The following TBC1D22A variants were observed in gnomAD, a reference collection of about 807,000 sequenced individuals.
TBC1D22A encodes the protein putative GTPase activator.
Under a neutral mutation model 60.2 loss-of-function variants are expected in TBC1D22A, and 38 were observed. The observed-to-expected ratio is 0.63, with a 90% CI of 0.49 to 0.83. The LOEUF (loss-of-function observed/expected upper bound fraction) is 0.83, where lower values mean the gene tolerates loss of function less well. Ranked by LOEUF, TBC1D22A falls within the 40% of genes least tolerant of loss-of-function variation. TBC1D22A has a pLI of 0.00. For missense variants in TBC1D22A, 628 were observed against 701.0 expected (o/e 0.90, Z 1.18); for synonymous variants, 302 against 281.7 (o/e 1.07, Z -0.72).
Position 47,080,098 on chromosome 22 carries a change from G to A in TBC1D22A, c.1330-31410G>A, listed in dbSNP as rs61611236. Reference sequence around the variant, plus strand: ...CAAAAACGTATAAACTACCCTAAATGTGTTAACAGGACTTCTAATTACATG... The same window carrying A: ...CAAAAACGTATAAACTACCCTAAATATGTTAACAGGACTTCTAATTACATG... On this transcript the variant is annotated intron_variant, in intron 11 of 12. Coordinates refer to ENST00000337137, the MANE Select transcript of TBC1D22A (RefSeq NM_014346.5). 9.1e-3 allele frequency among the ~76,000 whole-genome samples: 1,379 copies of A among 152,268 alleles called. 15 individuals are homozygous for A. Among genetic ancestry groups the A allele is most frequent in the African/African-American group, 0.032 (1,317 of 41,552 alleles).
chr22:47,172,579 C>T (rs1350235731), intron 12 of TBC1D22A, among the ~76,000 whole-genome samples: 2 of 152,168 alleles, frequency 1.3e-5, no homozygotes, highest in African/African-American at 4.8e-5. Flanking sequence ...TATGAGAATC[C>T]TACCTGAATT....
intron 12 of TBC1D22A, among the ~76,000 whole-genome samples, chr22:47,159,911 ATG>A (rs919795985): frequency 2.3e-4 from 10 of 43,154 alleles, no homozygotes; most frequent in Non-Finnish European, 3.6e-4. Context: ...CACCACACAC[ATG>A]TGCCACATAC....
intron 11 of TBC1D22A, among the ~76,000 whole-genome samples, chr22:47,052,940 A>T (rs1033774277): frequency 6.6e-6 from 1 of 152,166 alleles, no homozygotes; most frequent in Non-Finnish European, 1.5e-5. Context: ...GTAAACCTGG[A>T]TGCCACGCAG....
intron 10 of TBC1D22A, among the ~76,000 whole-genome samples, chr22:47,019,164 TC>T (rs2061996795): frequency 6.6e-6 from 1 of 152,218 alleles, no homozygotes; most frequent in African/African-American, 2.4e-5. Flanking sequence ...TTGTTCACTT[TC>T]CGAGTGGCCT....
intron 10 of TBC1D22A, among the ~76,000 whole-genome samples, chr22:47,017,352 T>C (rs2061943861): frequency 6.6e-6 from 1 of 152,214 alleles, no homozygotes; most frequent in African/African-American, 2.4e-5. Context: ...AGCCCAAGGC[T>C]GCGGTCTCCG....
chr22:46,823,361 A>G (rs2085909036), intron 4 of TBC1D22A, among the ~76,000 whole-genome samples: 1 of 152,260 alleles, frequency 6.6e-6, no homozygotes, highest in African/African-American at 2.4e-5. Flanking sequence ...ACTGCTGCAA[A>G]GAAATCGCCA....
chr22:46,831,449 T>C (rs1457552959), intron 4 of TBC1D22A, among the ~76,000 whole-genome samples: 1 of 152,184 alleles, frequency 6.6e-6, no homozygotes, highest in Non-Finnish European at 1.5e-5. Context: ...GCACGTGGCT[T>C]GTGTGTTCCT....
intron 4 of TBC1D22A, among the ~76,000 whole-genome samples, chr22:46,872,218 A>G (rs2067322928): frequency 6.6e-6 from 1 of 152,208 alleles, no homozygotes; most frequent in African/African-American, 2.4e-5. Context: ...TGTATCAAAC[A>G]TTTAAAGTCT....
intron 8 of TBC1D22A, among the ~76,000 whole-genome samples, chr22:46,960,954 CAAAAAAAAAA>C (rs397868006): frequency 2.1e-5 from 1 of 47,756 alleles, no homozygotes; most frequent in African/African-American, 7.4e-5. Context: ...GACACCATCT[CAAAAAAAAAA>C]AAAAAAAAAA....
At chr22:46,870,777 A>T (rs1819625347) in intron 4 of TBC1D22A, among the ~76,000 whole-genome samples, 1 of 152,214 alleles carries the variant, frequency 6.6e-6, no homozygotes, top group South Asian at 2.1e-4. Flanking sequence ...GTGTGCTCAC[A>T]TGACAGAGGA....
chr22:47,089,724 C>A (rs117570670), intron 11 of TBC1D22A, among the ~76,000 whole-genome samples: 1 of 152,168 alleles, frequency 6.6e-6, no homozygotes, highest in East Asian at 1.9e-4. Flanking sequence ...TGTTTTAGAT[C>A]GTAAGAAATT....
intron 10 of TBC1D22A, among the ~76,000 whole-genome samples, chr22:47,008,710 G>A (rs541917439): frequency 1.1e-4 from 16 of 152,314 alleles, no homozygotes; most frequent in African/African-American, 3.1e-4. Context: ...ATCTCAGGGC[G>A]GCCAGTGCTG....
At chr22:47,020,439 C>T (rs1238633771) in intron 10 of TBC1D22A, among the ~76,000 whole-genome samples, 1 of 152,110 alleles carries the variant, frequency 6.6e-6, no homozygotes, top group Admixed American at 6.5e-5. Flanking sequence ...TGGGATGACT[C>T]GTTTATCTGA....
chr22:46,941,919 ATATG>A (rs1218192730), intron 8 of TBC1D22A, among the ~76,000 whole-genome samples: 4 of 92,228 alleles, frequency 4.3e-5, no homozygotes, highest in African/African-American at 8.5e-5. Context: ...ATGTATATGT[ATATG>A]TATGTATGTA....
chr22:46,891,417 G>C, intron 6 of TBC1D22A, 23 bp downstream of exon 6: 1 of 1,586,670 alleles, frequency 6.3e-7, no homozygotes, highest in Non-Finnish European at 8.5e-7. Context: ...TCTTTTTTTC[G>C]TATGTTGCCT....
At chr22:46,992,004 C>T (rs1005085742) in intron 9 of TBC1D22A, among the ~76,000 whole-genome samples, 2 of 152,224 alleles carry the variant, frequency 1.3e-5, no homozygotes, top group African/African-American at 4.8e-5. Flanking sequence ...CCCAGGTCCT[C>T]GTTAGCAGTC....
chr22:47,018,220 T>G (rs973463329), intron 10 of TBC1D22A, among the ~76,000 whole-genome samples: 1 of 152,258 alleles, frequency 6.6e-6, no homozygotes, highest in Non-Finnish European at 1.5e-5. Context: ...GGGGCGCCCA[T>G]GGAGGGGCGG....
At chr22:47,077,208 C>T (rs1437563496) in intron 11 of TBC1D22A, among the ~76,000 whole-genome samples, 2 of 152,204 alleles carry the variant, frequency 1.3e-5, no homozygotes, top group African/African-American at 4.8e-5. Context: ...TTGGCCACAT[C>T]ATTCCACTGG....
At chr22:47,081,776 A>C (rs937156930) in intron 11 of TBC1D22A, among the ~76,000 whole-genome samples, 6 of 152,242 alleles carry the variant, frequency 3.9e-5, no homozygotes, top group African/African-American at 1.2e-4. Context: ...TAAAAACTGC[A>C]AGACAGTGCT....
Sources: allele counts gnomAD v4.1 joint callset (sites outside exome capture counted in the v4.1 genomes callset), GRCh38; gene constraint gnomAD v4.1.1; transcripts MANE v1.5; gene names NCBI Gene and HGNC (gene_info 2026-07-23, HGNC 2026-07-21).